BLM: variants seen among roughly 807,000 people sequenced by gnomAD.
The protein encoded by BLM is BLM RecQ like helicase.
BLM carries 95 observed loss-of-function variants against 135.3 expected under a neutral mutation model. The observed-to-expected ratio is 0.70, with a 90% CI of 0.59 to 0.83. The LOEUF is 0.83. Among genes scored for constraint, BLM ranks in the 40% least tolerant of loss-of-function variants. The probability of loss-of-function intolerance (pLI) is 0.00; values close to 1 mark genes in which losing one functional copy is unlikely to be tolerated. For synonymous variants in BLM, 520 were observed against 589.2 expected, an observed-to-expected ratio of 0.88 and a Z score of 1.70; for missense variants, 1,518 against 1,663.9, an observed-to-expected ratio of 0.91 and a Z score of 1.53.
intron 8 of BLM, among the ~76,000 whole-genome samples, chr15:90,763,804 A>G (rs964315572): frequency 2.0e-5 from 3 of 152,242 alleles, no homozygotes; most frequent in Non-Finnish European, 2.9e-5. Flanking sequence ...CAGCTGTTCA[A>G]TGATTTATAG....
chr15:90,721,475 C>T (rs999607727), intron 1 of BLM, among the ~76,000 whole-genome samples: 16 of 151,916 alleles, frequency 1.1e-4, no homozygotes, highest in South Asian at 2.1e-4. Context: ...TACAGGCACC[C>T]GCCACCACGC....
intron 1 of BLM, among the ~76,000 whole-genome samples, chr15:90,736,332 T>G (rs1029851070): frequency 2.0e-5 from 3 of 152,120 alleles, no homozygotes; most frequent in African/African-American, 7.2e-5. Flanking sequence ...AGTGTGATCT[T>G]GGCTCACTGC....
intron 9 of BLM, among the ~76,000 whole-genome samples, chr15:90,766,189 A>G (rs1039501648): frequency 4.6e-5 from 7 of 152,186 alleles, no homozygotes; most frequent in African/African-American, 1.7e-4. Flanking sequence ...GTTTTCTTCC[A>G]AAGAATGTCT....
At chr15:90,748,367 C>T (rs567469715) in intron 2 of BLM, among the ~76,000 whole-genome samples, 34 of 152,268 alleles carry the variant, frequency 2.2e-4, no homozygotes, top group Non-Finnish European at 3.7e-4. Context: ...CTTGGCCTCC[C>T]AAAGTGCTGG....
intron 1 of BLM, among the ~76,000 whole-genome samples, chr15:90,726,604 C>G (rs1894924503): frequency 1.3e-5 from 2 of 152,182 alleles, no homozygotes; most frequent in Admixed American, 6.5e-5. Flanking sequence ...CCCTACCCTT[C>G]CCAGCCTCCA....
At chr15:90,778,256 A>G (rs1267964315) in intron 12 of BLM, among the ~76,000 whole-genome samples, 1 of 152,196 alleles carries the variant, frequency 6.6e-6, no homozygotes, top group African/African-American at 2.4e-5. Flanking sequence ...TATTTTTAGT[A>G]AAAGTAATTT....
chr15:90,763,462 G>T (rs920305415), intron 8 of BLM, among the ~76,000 whole-genome samples: 1 of 152,014 alleles, frequency 6.6e-6, no homozygotes, highest in Non-Finnish European at 1.5e-5. Context: ...CAGAAAAATC[G>T]CTGTCAGAGA....
chr15:90,808,694 T>C (rs1897335790), intron 19 of BLM: 1 of 220,026 alleles, frequency 4.5e-6, no homozygotes, highest in South Asian at 6.8e-5. Flanking sequence ...ACAATTTGGT[T>C]ATGCCGTCTA....
chr15:90,728,973 A>T (rs985397696), intron 1 of BLM, among the ~76,000 whole-genome samples: 3 of 151,896 alleles, frequency 2.0e-5, no homozygotes, highest in African/African-American at 7.2e-5. Context: ...GGAGCCCAGA[A>T]ATTCGAGACC....
intron 19 of BLM, among the ~76,000 whole-genome samples, chr15:90,807,172 G>A (rs945513369): frequency 2.4e-4 from 36 of 152,082 alleles, no homozygotes; most frequent in African/African-American, 7.2e-4. Flanking sequence ...GGATTTAATC[G>A]AAATCTCTGT....
chr15:90,729,382 AG>A (rs1895006202), intron 1 of BLM, among the ~76,000 whole-genome samples: 1 of 152,224 alleles, frequency 6.6e-6, no homozygotes, highest in Non-Finnish European at 1.5e-5. Flanking sequence ...GTAGTTCAGA[AG>A]TCTGAATGGG....
intron 5 of BLM, among the ~76,000 whole-genome samples, chr15:90,758,418 C>G (rs560148950): frequency 1.3e-5 from 2 of 152,076 alleles, no homozygotes; most frequent in African/African-American, 4.8e-5. Flanking sequence ...ACCGGGGAAA[C>G]GGAGGTTGCA....
chr15:90,779,930 CTTTG>C (rs764589793), intron 12 of BLM, among the ~76,000 whole-genome samples: 1 of 152,054 alleles, frequency 6.6e-6, no homozygotes, highest in Non-Finnish European at 1.5e-5. Flanking sequence ...TTTCAGTTTG[CTTTG>C]TTTGGTGTCC....
At chr15:90,772,231 T>C (rs1896340386) in intron 12 of BLM, among the ~76,000 whole-genome samples, 1 of 152,196 alleles carries the variant, frequency 6.6e-6, no homozygotes, top group Non-Finnish European at 1.5e-5. Flanking sequence ...CAGGTATTCC[T>C]AAGGTTGAAG....
intron 16 of BLM, among the ~76,000 whole-genome samples, chr15:90,797,935 T>C (rs1047332133): frequency 6.6e-6 from 1 of 152,184 alleles, no homozygotes; most frequent in African/African-American, 2.4e-5. Context: ...CTGTGTGTTA[T>C]ATATGTGTTT....
chr15:90,771,760 A>G (rs1318758625), intron 12 of BLM, among the ~76,000 whole-genome samples: 1 of 152,170 alleles, frequency 6.6e-6, no homozygotes, highest in Non-Finnish European at 1.5e-5. Context: ...CTTTTAGATC[A>G]GTTACATCAA....
At chr15:90,734,702 G>C (rs1426587792) in intron 1 of BLM, among the ~76,000 whole-genome samples, 7 of 63,824 alleles carry the variant, frequency 1.1e-4, no homozygotes, top group African/African-American at 6.2e-4. Flanking sequence ...CACGCAGAGA[G>C]AGAGAGAGAG....
chr15:90,804,638 AT>A (rs1897247627), intron 19 of BLM, among the ~76,000 whole-genome samples: 1 of 151,418 alleles, frequency 6.6e-6, no homozygotes, highest in Non-Finnish European at 1.5e-5. Context: ...TAATTTTTGT[AT>A]TTTTTCGTAG....
At chr15:90,793,083 G>A (rs899226546) in intron 15 of BLM, among the ~76,000 whole-genome samples, 1 of 150,760 alleles carries the variant, frequency 6.6e-6, no homozygotes, top group Admixed American at 6.6e-5. Flanking sequence ...AACTATTTGG[G>A]GGAAAAATAC....
Sources: gnomAD v4.1 joint callset for allele counts (sites outside exome capture counted in the v4.1 genomes callset) on GRCh38, gnomAD v4.1.1 for gene constraint, MANE v1.5 for transcripts, NCBI Gene and HGNC (gene_info 2026-07-23, HGNC 2026-07-21) for gene names.